Variants in SPTLC3 observed in about 807,000 individuals in gnomAD.
SPTLC3 encodes the protein serine palmitoyltransferase long chain base subunit 3.
In SPTLC3, 36 loss-of-function variants were observed where a neutral mutation model predicts 59.3. The ratio of observed to expected loss-of-function variants is 0.61; its 90% confidence interval spans 0.47 to 0.80. The LOEUF is 0.80. Among genes scored for constraint, SPTLC3 ranks in the 30% least tolerant of loss-of-function variants. The pLI is 0.00. For synonymous variants in SPTLC3, 257 were observed against 240.8 expected, an observed-to-expected ratio of 1.07 and a Z score of -0.62; for missense variants, 625 against 685.1, an observed-to-expected ratio of 0.91 and a Z score of 0.98.
chr20:13,113,483 C>G (rs1013691799), intron 7 of SPTLC3, among the ~76,000 whole-genome samples: 9 of 152,012 alleles, frequency 5.9e-5, no homozygotes, highest in African/African-American at 1.9e-4. Context: ...AGGGAGATAT[C>G]AAGATAGAAA....
At chr20:13,161,765 T>TA (rs1377722277) in intron 11 of SPTLC3, among the ~76,000 whole-genome samples, 3 of 151,992 alleles carry the variant, frequency 2.0e-5, no homozygotes, top group African/African-American at 4.8e-5. Context: ...ACAGAAATAA[T>TA]AAAAAAATAA....
chr20:13,155,193 A>T (rs1011964714), intron 10 of SPTLC3, among the ~76,000 whole-genome samples: 1 of 152,152 alleles, frequency 6.6e-6, no homozygotes, highest in Non-Finnish European at 1.5e-5. Flanking sequence ...GTCAAAAAAA[A>T]AAAGGAAGTT....
At chr20:13,039,240 T>G (rs1479994203) in intron 1 of SPTLC3, among the ~76,000 whole-genome samples, 1 of 149,526 alleles carries the variant, frequency 6.7e-6, no homozygotes, top group South Asian at 2.1e-4. Flanking sequence ...CTAATATTAT[T>G]ATGAAATTTT....
intron 1 of SPTLC3, among the ~76,000 whole-genome samples, chr20:13,015,689 A>G (rs191858435): frequency 6.6e-6 from 1 of 152,288 alleles, no homozygotes; most frequent in East Asian, 1.9e-4. Flanking sequence ...TGGAAAGACT[A>G]TGATAAATAA....
chr20:13,160,706 C>T (rs1220015413), intron 11 of SPTLC3, among the ~76,000 whole-genome samples: 1 of 152,182 alleles, frequency 6.6e-6, no homozygotes, highest in Non-Finnish European at 1.5e-5. Flanking sequence ...AACATAAATG[C>T]AGTTTTGCAA....
intron 8 of SPTLC3, among the ~76,000 whole-genome samples, chr20:13,124,365 G>A (rs1295305054): frequency 6.6e-6 from 1 of 151,688 alleles, no homozygotes; most frequent in Non-Finnish European, 1.5e-5. Flanking sequence ...AAGGGAAGAA[G>A]GGAGGGAGGA....
intron 1 of SPTLC3, among the ~76,000 whole-genome samples, chr20:13,023,562 G>T (rs1199484799): frequency 1.3e-5 from 2 of 152,182 alleles, no homozygotes; most frequent in Admixed American, 6.5e-5. Flanking sequence ...GACTAAGAAA[G>T]CTCTGCTCAT....
Position 13,156,825 on chromosome 20 carries a change from A to C in SPTLC3, c.1415+2687A>C, listed in dbSNP as rs73259089. On this transcript the variant is annotated intron_variant, in intron 10 of 11. Coordinates refer to ENST00000399002, the MANE Select transcript of SPTLC3 (RefSeq NM_018327.4). ...TCATTATCAGTTTCAACTGAGCGCA[A>C]GGTTGAATCACCACGGTTGCATGGC... Among the ~76,000 whole-genome samples, 1,173 of 152,330 alleles carry C rather than the reference A, an allele frequency of 7.7e-3. 14 individuals carry two copies. The highest frequency in any genetic ancestry group is 0.027 in the African/African-American group (1,114 of 41,576).
At chr20:13,104,868 G>C (rs62203621) in intron 6 of SPTLC3, among the ~76,000 whole-genome samples, 11 of 151,978 alleles carry the variant, frequency 7.2e-5, no homozygotes, top group Admixed American at 4.6e-4. Context: ...TTTGTTTGGG[G>C]AACTTTTTTT....
chr20:13,090,363 A>G (rs2122623740), intron 4 of SPTLC3, among the ~76,000 whole-genome samples: 1 of 152,324 alleles, frequency 6.6e-6, no homozygotes, highest in African/African-American at 2.4e-5. Context: ...AGCTTAACAC[A>G]GTATCTAGTA....
At chr20:13,081,548 T>G (rs1272966835) in intron 4 of SPTLC3, among the ~76,000 whole-genome samples, 1 of 152,206 alleles carries the variant, frequency 6.6e-6, no homozygotes, top group African/African-American at 2.4e-5. Flanking sequence ...AAATATATTC[T>G]TATGGCCTTT....
At chr20:13,086,621 C>T (rs1228861010) in intron 4 of SPTLC3, among the ~76,000 whole-genome samples, 2 of 152,200 alleles carry the variant, frequency 1.3e-5, no homozygotes, top group Non-Finnish European at 1.5e-5. Flanking sequence ...TGTGAGACAT[C>T]TGGTCATAGA....
chr20:13,108,945 A>C (rs2122694986), intron 6 of SPTLC3, among the ~76,000 whole-genome samples: 1 of 152,340 alleles, frequency 6.6e-6, no homozygotes, highest in East Asian at 1.9e-4. Context: ...GGACCTAAGT[A>C]TTTCAGTTTC....
intron 2 of SPTLC3, among the ~76,000 whole-genome samples, chr20:13,067,062 T>C (rs1988244657): frequency 1.6e-4 from 1 of 6,300 alleles, no homozygotes; most frequent in Non-Finnish European, 2.9e-4. Context: ...TATATATATA[T>C]ATATATATAT....
chr20:13,063,242 C>T (rs1988041527), intron 2 of SPTLC3, among the ~76,000 whole-genome samples: 1 of 152,160 alleles, frequency 6.6e-6, no homozygotes, highest in South Asian at 2.1e-4. Context: ...ACTGGCAGTT[C>T]CTATCCTTTG....
intron 2 of SPTLC3, among the ~76,000 whole-genome samples, chr20:13,066,143 C>T (rs552665285): frequency 4.6e-4 from 70 of 152,344 alleles, no homozygotes; most frequent in African/African-American, 1.5e-3. Flanking sequence ...AGATTTCACA[C>T]GTAAGTGAGA....
intron 9 of SPTLC3, among the ~76,000 whole-genome samples, chr20:13,153,053 C>T (rs1379911573): frequency 6.6e-6 from 1 of 152,196 alleles, no homozygotes; most frequent in African/African-American, 2.4e-5. Flanking sequence ...TGTAGTGGCA[C>T]ATTCCTGCCG....
intron 9 of SPTLC3, among the ~76,000 whole-genome samples, chr20:13,141,096 G>A (rs574888097): frequency 5.6e-4 from 85 of 152,180 alleles, no homozygotes; most frequent in African/African-American, 1.9e-3. Context: ...AGGGCATTGA[G>A]GGGGGAAAGA....
chr20:13,137,917 T>G (rs180990416), intron 9 of SPTLC3, among the ~76,000 whole-genome samples: 174 of 152,280 alleles, frequency 1.1e-3, no homozygotes, highest in Middle Eastern at 6.8e-3. Context: ...TTTCTGCTAC[T>G]CAAGCTCATC....
Sources: allele counts gnomAD v4.1 joint callset (sites outside exome capture counted in the v4.1 genomes callset), GRCh38; gene constraint gnomAD v4.1.1; transcripts MANE v1.5; gene names NCBI Gene and HGNC (gene_info 2026-07-23, HGNC 2026-07-21).